Variants in GPD1L observed in about 807,000 individuals in gnomAD.
GPD1L encodes glycerol-3-phosphate dehydrogenase 1 like.
GPD1L carries 17 observed loss-of-function variants against 32.9 expected under a neutral mutation model. The ratio of observed to expected loss-of-function variants is 0.52; its 90% CI spans 0.35 to 0.78. The LOEUF (loss-of-function observed/expected upper bound fraction) is 0.78. Among genes scored for constraint, GPD1L ranks in the 30% least tolerant of loss-of-function variants. The pLI, the probability that GPD1L is intolerant of heterozygous loss-of-function variation, is 0.01. For missense variants in GPD1L, 361 were observed against 447.8 expected (o/e 0.81, Z 1.75); for synonymous variants, 187 against 165.9 (o/e 1.13, Z -0.98).
In GPD1L at chr3:32,133,528, G is replaced by A. The variant is rs76895768; in HGVS notation, c.226-5059G>A. ...TAGGCTCGAAAAGACCTTGGAAGGA[G>A]TGTACCAAAATATTGATAGTGATTA... On this transcript the variant is annotated intron_variant, in intron 2 of 7. Transcript: ENST00000282541. Among the ~76,000 whole-genome samples the A allele has an allele frequency of 0.024, 3,612 of 152,256 alleles. 298 individuals carry two copies. The East Asian group carries it at 0.26, about 11-fold the overall frequency.
intron 1 of GPD1L, among the ~76,000 whole-genome samples, chr3:32,123,816 A>AGATAGATAGAT (rs1553657811): frequency 3.5e-5 from 5 of 143,772 alleles, no homozygotes; most frequent in African/African-American, 1.3e-4. Flanking sequence ...ATAGATAGAT[A>AGATAGATAGAT]GATAGATAGA....
At chr3:32,137,433 G>A (rs1232181156) in intron 2 of GPD1L, among the ~76,000 whole-genome samples, 3 of 152,116 alleles carry the variant, frequency 2.0e-5, no homozygotes, top group Non-Finnish European at 2.9e-5. Flanking sequence ...CTGAATTTCC[G>A]CCATGCCTTC....
intron 1 of GPD1L, among the ~76,000 whole-genome samples, chr3:32,121,353 G>T (rs9817271): frequency 0.15 from 21,296 of 145,480 alleles, 2,456 homozygotes; most frequent in East Asian, 0.39. Context: ...TTGCCCCAGG[G>T]GCCTTACTGC....
chr3:32,143,215 G>A (rs545745323), intron 4 of GPD1L, among the ~76,000 whole-genome samples: 23 of 151,938 alleles, frequency 1.5e-4, no homozygotes, highest in Admixed American at 3.3e-4. Flanking sequence ...AAAAATTTAA[G>A]TAAAACATTG....
chr3:32,125,422 T>C (rs1418136454), intron 1 of GPD1L, among the ~76,000 whole-genome samples: 2 of 152,234 alleles, frequency 1.3e-5, no homozygotes, highest in Non-Finnish European at 2.9e-5. Flanking sequence ...AAAGCACTGC[T>C]GTGTCTGCTC....
chr3:32,143,611 A>C (rs1214778625), intron 4 of GPD1L, among the ~76,000 whole-genome samples: 1 of 152,158 alleles, frequency 6.6e-6, no homozygotes, highest in Non-Finnish European at 1.5e-5. Flanking sequence ...TGGGAGGCCA[A>C]GGTGGGAGAT....
intron 2 of GPD1L, among the ~76,000 whole-genome samples, chr3:32,130,118 C>G (rs1700563888): frequency 6.6e-6 from 1 of 152,042 alleles, no homozygotes; most frequent in African/African-American, 2.4e-5. Flanking sequence ...TTCTGTGAAG[C>G]TGGAGCCTGT....
At chr3:32,108,902 T>C (rs1239702497) in intron 1 of GPD1L, among the ~76,000 whole-genome samples, 1 of 152,156 alleles carries the variant, frequency 6.6e-6, no homozygotes, top group African/African-American at 2.4e-5. Flanking sequence ...CAGGCTGGAG[T>C]GCAGTGGCGC....
chr3:32,115,498 T>C (rs893423050), intron 1 of GPD1L, among the ~76,000 whole-genome samples: 2 of 152,202 alleles, frequency 1.3e-5, no homozygotes, highest in Non-Finnish European at 2.9e-5. Context: ...AAGAAAACTA[T>C]ATCCTCATCA....
intron 1 of GPD1L, among the ~76,000 whole-genome samples, chr3:32,126,948 C>T (rs1216941859): frequency 6.6e-6 from 1 of 152,156 alleles, no homozygotes; most frequent in Non-Finnish European, 1.5e-5. Context: ...TTTATCCCTT[C>T]TATGTCAGGA....
At position 32,140,295 on chromosome 3, in the gene GPD1L, A is replaced by C; in HGVS notation, c.434A>C (p.Asp145Ala). The C allele has an allele frequency of 2.5e-6, 4 of 1,613,752 alleles. No individual in the cohort carries two copies. The highest frequency in any genetic ancestry group is 3.4e-6 in the Non-Finnish European group (4 of 1,179,694). The change falls in exon 4 of 8, where the codon GAC (aspartate) becomes GCC (alanine). Residue 145 changes from aspartate (D) to alanine (A), a missense_variant. By Grantham distance (126) the Asp-to-Ala change is moderately radical. Coordinates refer to ENST00000282541, the MANE Select transcript of GPD1L (RefSeq NM_015141.4). ...SDIIREKMGI[D>A]ISVLMGANIA... ...ATCATCCGTGAGAAGATGGGTATTG[A>C]CATCAGTGTGCTGATGGGAGCCAAC...
intron 4 of GPD1L, among the ~76,000 whole-genome samples, chr3:32,144,219 C>T (rs1409174100): frequency 2.6e-5 from 4 of 152,246 alleles, no homozygotes; most frequent in East Asian, 3.9e-4. Flanking sequence ...GTTCAGGAAT[C>T]GTGGCCCACT....
At chr3:32,149,038 C>T (rs1324361940) in intron 5 of GPD1L, among the ~76,000 whole-genome samples, 2 of 152,056 alleles carry the variant, frequency 1.3e-5, no homozygotes, top group Non-Finnish European at 2.9e-5. Flanking sequence ...TATTAGTGTT[C>T]AAGTAGTTTG....
chr3:32,107,987 G>A (rs1204026187), intron 1 of GPD1L, among the ~76,000 whole-genome samples: 1 of 152,196 alleles, frequency 6.6e-6, no homozygotes, highest in Non-Finnish European at 1.5e-5. Context: ...GGATTCAAGC[G>A]ATTCTTGTGC....
In GPD1L at chr3:32,121,473, CTATATATATT is replaced by C. The variant is rs1559570393; in HGVS notation, c.48-6601_48-6592del. Among the ~76,000 whole-genome samples the C allele has an allele frequency of 3.4e-3, 291 of 84,794 alleles. 66 individuals are homozygous for C. Among genetic ancestry groups the C allele is most frequent in the African/African-American group, 0.022 (263 of 12,054 alleles). 55.6% of individuals were successfully genotyped at this position (84,794 alleles called of 152,430 possible). On this transcript the variant is annotated intron_variant, in intron 1 of 7. Transcript: ENST00000282541. ...TATTTCTCTCTATATATATTTCTCT[CTATATATATT>C]TCTCTCTATATATATTTCTCTCTAT... is the stretch of plus-strand genomic sequence containing the variant.
intron 7 of GPD1L, among the ~76,000 whole-genome samples, chr3:32,162,832 C>T (rs1223913845): frequency 6.6e-6 from 1 of 152,092 alleles, no homozygotes; most frequent in Non-Finnish European, 1.5e-5. Context: ...GCAATCTCAG[C>T]ACTGCAATCT....
At chr3:32,132,135 T>C (rs973437884) in intron 2 of GPD1L, among the ~76,000 whole-genome samples, 4 of 152,252 alleles carry the variant, frequency 2.6e-5, no homozygotes, top group Non-Finnish European at 5.9e-5. Flanking sequence ...TATTTTCTCC[T>C]GTTCTGTGGG....
chr3:32,107,639 CTG>C (rs958770041), intron 1 of GPD1L, among the ~76,000 whole-genome samples: 1 of 152,240 alleles, frequency 6.6e-6, no homozygotes, highest in African/African-American at 2.4e-5. Context: ...TTCAGTGCTT[CTG>C]TTTACCGGTT....
chr3:32,117,235 A>G (rs1700344745), intron 1 of GPD1L, among the ~76,000 whole-genome samples: 1 of 152,186 alleles, frequency 6.6e-6, no homozygotes, highest in African/African-American at 2.4e-5. Context: ...TGGATATTCT[A>G]AGAGTTCTGC....
Sources: gnomAD v4.1 joint callset for allele counts (sites outside exome capture counted in the v4.1 genomes callset) on GRCh38, gnomAD v4.1.1 for gene constraint, MANE v1.5 for transcripts, NCBI Gene and HGNC (gene_info 2026-07-23, HGNC 2026-07-21) for gene names.